ATP6V1A: variants seen among roughly 807,000 people sequenced by gnomAD.
ATP6V1A encodes the protein V-type proton ATPase catalytic subunit A.
Under a neutral mutation model 70.1 loss-of-function variants are expected in ATP6V1A, and 18 were observed. The ratio of observed to expected loss-of-function variants is 0.26; its 90% CI spans 0.18 to 0.38. The LOEUF (loss-of-function observed/expected upper bound fraction) is 0.38, where lower values mean the gene tolerates loss of function less well. Ranked by LOEUF, ATP6V1A falls within the 10% of genes least tolerant of loss-of-function variation. ATP6V1A has a pLI of 1.00. For synonymous variants in ATP6V1A, 232 were observed against 253.8 expected (o/e 0.91, Z 0.82); for missense variants, 424 against 772.4 (o/e 0.55, Z 5.35).
At chr3:113,786,508 T>G in intron 6 of ATP6V1A, 125 bp downstream of exon 6, 1 of 958,094 alleles carries the variant, frequency 1.0e-6, no homozygotes, top group Non-Finnish European at 1.4e-6. Flanking sequence ...AGAGTAATAA[T>G]GGTGAATTAA....
chr3:113,795,350 C>T (rs1454567922), intron 10 of ATP6V1A, 146 bp downstream of exon 10: 6 of 802,858 alleles, frequency 7.5e-6, no homozygotes, highest in Non-Finnish European at 1.1e-5. Flanking sequence ...CCAGAGTCAC[C>T]TAAGGAGCTC....
intron 1 of ATP6V1A, among the ~76,000 whole-genome samples, chr3:113,748,591 C>A (rs1419135145): frequency 6.6e-6 from 1 of 152,162 alleles, no homozygotes; most frequent in East Asian, 1.9e-4. Flanking sequence ...ATACAATAAA[C>A]GGTCTTATTT....
intron 6 of ATP6V1A, among the ~76,000 whole-genome samples, chr3:113,787,550 A>G (rs1709050685): frequency 6.6e-6 from 1 of 152,222 alleles, no homozygotes; most frequent in African/African-American, 2.4e-5. Context: ...GTGATGTACA[A>G]AGTTCAAATG....
chr3:113,751,228 A>G (rs1022816464), intron 1 of ATP6V1A, among the ~76,000 whole-genome samples: 7 of 152,096 alleles, frequency 4.6e-5, no homozygotes, highest in African/African-American at 1.7e-4. Flanking sequence ...TTATCCTTAT[A>G]TGAAATAGAC....
At chr3:113,751,649 A>G (rs1386970181) in intron 1 of ATP6V1A, among the ~76,000 whole-genome samples, 1 of 151,176 alleles carries the variant, frequency 6.6e-6, no homozygotes, top group Non-Finnish European at 1.5e-5. Flanking sequence ...TTTGGTTTTT[A>G]TAAGTGTATT....
chr3:113,763,848 T>C (rs1232075814), intron 1 of ATP6V1A, among the ~76,000 whole-genome samples: 2 of 136,938 alleles, frequency 1.5e-5, no homozygotes, highest in Non-Finnish European at 3.3e-5. Context: ...AACTTCTAGA[T>C]AGGGATCTGT....
At chr3:113,747,729 TTTTC>T (rs1708539251) in intron 1 of ATP6V1A, among the ~76,000 whole-genome samples, 1 of 152,164 alleles carries the variant, frequency 6.6e-6, no homozygotes, top group South Asian at 2.1e-4. Context: ...GGCTTTTACT[TTTTC>T]TTCTCTGCAG....
rs528672333 is a variant in ATP6V1A at position 113,764,763 on chromosome 3, A to C, written c.-13-13978A>C. On this transcript the variant is annotated intron_variant, in intron 1 of 14. Transcript: ENST00000273398. ...ACAATTACTTTTCCCCCTTCAGTTT[A>C]TCAAGTTTAAGAAATAAAAAAAATA... Among the ~76,000 whole-genome samples, 275 of 152,204 alleles carry C rather than the reference A, an allele frequency of 1.8e-3. 1 individual carries two copies. Among genetic ancestry groups the C allele is most frequent in the Non-Finnish European group, 2.9e-3 (199 of 68,008 alleles).
At chr3:113,749,263 T>TCA (rs58516178) in intron 1 of ATP6V1A, among the ~76,000 whole-genome samples, 10,070 of 141,126 alleles carry the variant, frequency 0.071, 350 homozygotes, top group African/African-American at 0.09. Context: ...TATACACAGA[T>TCA]CACACACACA....
intron 5 of ATP6V1A, among the ~76,000 whole-genome samples, chr3:113,785,814 CTTTACTTATA>C (rs1350472933): frequency 6.7e-6 from 1 of 150,100 alleles, no homozygotes; most frequent in Non-Finnish European, 1.5e-5. Context: ...GATTACAGGC[CTTTACTTATA>C]TTTAACTATT....
chr3:113,754,347 A>C (rs899328038), intron 1 of ATP6V1A, among the ~76,000 whole-genome samples: 1 of 151,662 alleles, frequency 6.6e-6, no homozygotes, highest in African/African-American at 2.4e-5. Context: ...ACATGGCAAG[A>C]CCCCCCTCTA....
chr3:113,794,810 G>GA (rs990595307), intron 8 of ATP6V1A, 62 bp from the exon 9 acceptor site: 55 of 1,540,446 alleles, frequency 3.6e-5, no homozygotes, highest in Non-Finnish European at 4.6e-5. Flanking sequence ...CTTAAGGGTG[G>GA]AAAAAAACAG....
At chr3:113,785,304 GTGGCGCACGCCTGTAATCC>G (rs1402667842) in intron 5 of ATP6V1A, among the ~76,000 whole-genome samples, 1 of 151,988 alleles carries the variant, frequency 6.6e-6, no homozygotes, top group Non-Finnish European at 1.5e-5. Context: ...GCCAGGCGTG[GTGGCGCACGCCTGTAATCC>G]CAGCTAGTTG....
chr3:113,794,738 G>A, intron 8 of ATP6V1A, 134 bp from the exon 9 acceptor site: 1 of 997,042 alleles, frequency 1.0e-6, no homozygotes, highest in Non-Finnish European at 1.4e-6. Flanking sequence ...AGAAAAAGAG[G>A]AAGAGCAGCT....
At chr3:113,794,383 G>A (rs1398298121) in intron 8 of ATP6V1A, among the ~76,000 whole-genome samples, 1 of 152,146 alleles carries the variant, frequency 6.6e-6, no homozygotes, top group Non-Finnish European at 1.5e-5. Flanking sequence ...TTTCTAAAAT[G>A]TGCATTATAT....
At chr3:113,770,074 A>T (rs1708817939) in intron 1 of ATP6V1A, among the ~76,000 whole-genome samples, 1 of 147,756 alleles carries the variant, frequency 6.8e-6, no homozygotes, top group African/African-American at 2.5e-5. Context: ...TATTTTTGAG[A>T]CTCTCACTCT....
Position 113,805,389 on chromosome 3 carries a change from C to G in ATP6V1A, c.1625C>G (p.Ser542Cys), listed in dbSNP as rs770470480. Residue 542 changes from serine (S) to cysteine (C), a missense_variant, in exon 14 of 15, where the codon TCC (serine) becomes TGC (cysteine). Ser to Cys is a moderately radical substitution (Grantham distance 112). Transcript: ENST00000273398. ...CPFYKTVGMLSNMIAFYDMAR... is the reference protein window; with the variant it reads ...CPFYKTVGMLCNMIAFYDMAR... ...TTCTACAAGACAGTAGGGATGCTGT[C>G]CAACATGATTGCATTTTATGATATG... The G allele has an allele frequency of 2.5e-6, 4 of 1,614,082 alleles. 1 individual carries two copies. Among genetic ancestry groups the G allele is most frequent in the Non-Finnish European group, 3.4e-6 (4 of 1,180,004 alleles).
intron 5 of ATP6V1A, among the ~76,000 whole-genome samples, chr3:113,785,735 C>A (rs1709031786): frequency 6.6e-6 from 1 of 150,792 alleles, no homozygotes. Flanking sequence ...GTGGCGCGAT[C>A]TCGGCTCACT....
intron 3 of ATP6V1A, among the ~76,000 whole-genome samples, chr3:113,781,592 A>T (rs1708978737): frequency 6.6e-6 from 1 of 152,254 alleles, no homozygotes; most frequent in African/African-American, 2.4e-5. Flanking sequence ...TGATATTAGA[A>T]GCATGAAATG....
Sources: allele counts gnomAD v4.1 joint callset (sites outside exome capture counted in the v4.1 genomes callset), GRCh38; gene constraint gnomAD v4.1.1; transcripts MANE v1.5; gene names NCBI Gene and HGNC (gene_info 2026-07-23, HGNC 2026-07-21).